CLPX: variants seen among roughly 807,000 people sequenced by gnomAD.
CLPX encodes caseinolytic mitochondrial matrix peptidase chaperone subunit X, also known as ATP-dependent clpX-like chaperone, mitochondrial.
A neutral mutation model predicts 76.4 loss-of-function variants in CLPX; 34 were observed. The observed-to-expected ratio is 0.45, with a 90% CI of 0.34 to 0.59. CLPX has a LOEUF of 0.59. Among genes scored for constraint, CLPX ranks in the 20% least tolerant of loss-of-function variants. The pLI is 0.01. For missense variants in CLPX, 613 were observed against 757.0 expected (o/e 0.81, Z 2.23); for synonymous variants, 248 against 270.9 (o/e 0.92, Z 0.83).
intron 6 of CLPX, among the ~76,000 whole-genome samples, chr15:65,160,894 T>A (rs2087848684): frequency 6.6e-6 from 1 of 152,162 alleles, no homozygotes; most frequent in Admixed American, 6.6e-5. Context: ...TAAGCACAGC[T>A]CTCTAAAATG....
At chr15:65,158,825 T>C (rs1192633523) in intron 6 of CLPX, 74 bp from the exon 7 acceptor site, 1 of 1,222,448 alleles carries the variant, frequency 8.2e-7, no homozygotes, top group Non-Finnish European at 1.1e-6. Flanking sequence ...TAAAAACTTT[T>C]ATCTAAAACT....
At chr15:65,156,778 A>G (rs2087794386) in intron 9 of CLPX, 66 bp downstream of exon 9, 2 of 966,950 alleles carry the variant, frequency 2.1e-6, no homozygotes, top group Non-Finnish European at 3.3e-6. Context: ...CCAAACGTAC[A>G]ATATTTGGGA....
At chr15:65,158,892 G>T (rs978062784) in intron 6 of CLPX, 141 bp from the exon 7 acceptor site, 2 of 632,382 alleles carry the variant, frequency 3.2e-6, no homozygotes, top group African/African-American at 3.7e-5. Context: ...CTACAAAGGA[G>T]AAAAATCTCA....
At position 65,178,856 on chromosome 15, in the gene CLPX, T is replaced by A. The variant is rs932765582; in HGVS notation, c.358+78A>T. 2.4e-5 allele frequency: 19 copies of A among 803,272 alleles called. No individual in the cohort carries two copies. In the African/African-American group the frequency reaches 2.6e-4, roughly 11 times the overall value. The allele number at this position is 803,272 out of a possible 1,614,324, so 49.8% of individuals were successfully genotyped here. On this transcript the variant is annotated intron_variant, in intron 3 of 13. Transcript: ENST00000300107. ...CTGGCCTATATTTATACATTTTACA[T>A]AATTTACATATTTTTATACACTTAG...
chr15:65,153,713 G>A, intron 11 of CLPX, 74 bp from the exon 12 acceptor site: 2 of 827,088 alleles, frequency 2.4e-6, no homozygotes, highest in East Asian at 6.2e-5. Context: ...CATTAAGTGA[G>A]GGCACAATTT....
intron 6 of CLPX, among the ~76,000 whole-genome samples, chr15:65,160,059 C>T (rs1400871630): frequency 6.6e-6 from 1 of 152,148 alleles, no homozygotes; most frequent in Non-Finnish European, 1.5e-5. Context: ...GTGATCCACC[C>T]GCCTCAGCCT....
At chr15:65,157,638 A>G (rs1566979807) in intron 8 of CLPX, 108 bp downstream of exon 8, 7 of 1,061,476 alleles carry the variant, frequency 6.6e-6, no homozygotes, top group Non-Finnish European at 6.7e-6. Flanking sequence ...CTTTTATATA[A>G]TTACAGAATT....
intron 3 of CLPX, among the ~76,000 whole-genome samples, chr15:65,172,448 G>A (rs1178369603): frequency 1.3e-5 from 2 of 151,990 alleles, no homozygotes; most frequent in South Asian, 2.1e-4. Flanking sequence ...TGGCCAAGAT[G>A]GTGAAACCCC....
intron 4 of CLPX, 151 bp downstream of exon 4, chr15:65,166,480 G>A (rs2087914415): frequency 5.2e-6 from 4 of 775,404 alleles, no homozygotes; most frequent in South Asian, 3.8e-5. Flanking sequence ...ATTCCAAAAG[G>A]CAATAACAAT....
At chr15:65,173,365 CAAAAAAA>C (rs35763100) in intron 3 of CLPX, among the ~76,000 whole-genome samples, 3 of 52,176 alleles carry the variant, frequency 5.7e-5, no homozygotes, top group Admixed American at 1.9e-4. Context: ...GACTCTGTCT[CAAAAAAA>C]AAAAAAAAAA....
chr15:65,165,636 C>T (rs1184919577), intron 4 of CLPX, among the ~76,000 whole-genome samples: 7 of 151,862 alleles, frequency 4.6e-5, no homozygotes, highest in South Asian at 2.1e-4. Context: ...CCGCCCGCCT[C>T]GGCCTCCCAA....
chr15:65,166,536 A>T, intron 4 of CLPX, 95 bp downstream of exon 4: 1 of 1,256,866 alleles, frequency 8.0e-7, no homozygotes, highest in African/African-American at 1.5e-5. Flanking sequence ...ACTTGTTTAT[A>T]TACTAGTATT....
chr15:65,153,462 T>C, intron 12 of CLPX, 85 bp downstream of exon 12: 2 of 854,042 alleles, frequency 2.3e-6, no homozygotes, highest in Non-Finnish European at 1.9e-6. Context: ...TATATACATA[T>C]TTTCCAAAAG....
At chr15:65,178,761 C>T (rs1394144949) in intron 3 of CLPX, among the ~76,000 whole-genome samples, 173 bp downstream of exon 3, 1 of 151,238 alleles carries the variant, frequency 6.6e-6, no homozygotes, top group Admixed American at 6.6e-5. Flanking sequence ...GTCTTGAACT[C>T]CTAGGCTCAA....
intron 3 of CLPX, among the ~76,000 whole-genome samples, chr15:65,176,681 C>T (rs1595946425): frequency 6.7e-6 from 1 of 149,216 alleles, no homozygotes; most frequent in African/African-American, 2.5e-5. Flanking sequence ...CTGCAGCCTC[C>T]GCTTCCTAGG....
At chr15:65,163,321 C>G (rs1566981477) in intron 5 of CLPX, among the ~76,000 whole-genome samples, 1 of 152,176 alleles carries the variant, frequency 6.6e-6, no homozygotes, top group Non-Finnish European at 1.5e-5. Context: ...GTAAGTTCAG[C>G]AAGTGAACAA....
intron 1 of CLPX, among the ~76,000 whole-genome samples, chr15:65,184,667 C>A (rs1394617237): frequency 6.6e-6 from 1 of 152,236 alleles, no homozygotes; most frequent in Non-Finnish European, 1.5e-5. Context: ...CCCAACGGGC[C>A]CGAGGGGGAT....
intron 3 of CLPX, among the ~76,000 whole-genome samples, chr15:65,177,230 G>C (rs1012657814): frequency 6.6e-6 from 1 of 152,006 alleles, no homozygotes; most frequent in African/African-American, 2.4e-5. Context: ...CACCACGCCC[G>C]GCTAATTTTT....
Position 65,185,110 on chromosome 15 carries a change from C to A in CLPX, c.44G>T (p.Arg15Leu). 6.3e-7 allele frequency: 1 copy of A among 1,583,764 alleles called. No homozygotes were observed. Among genetic ancestry groups the A allele is most frequent in the Non-Finnish European group, 8.6e-7 (1 of 1,165,964 alleles). Reference sequence around the variant, plus strand: ...GGAGGCGAGTGAGGAGGTGATGAGCCGGACGGCCGCCGCGCCGCAAGTACA... The same window carrying A: ...GGAGGCGAGTGAGGAGGTGATGAGCAGGACGGCCGCCGCGCCGCAAGTACA... ...GACTCGAAAV[R>L]LITSSLASAQ... The change falls in exon 1 of 14, where the codon CGG (arginine) becomes CTG (leucine). Residue 15 changes from arginine (R) to leucine (L), a missense_variant. By Grantham distance (102) the Arg-to-Leu change is moderately radical. Around this residue, in one of 2 missense-constraint regions of CLPX, gnomAD observed 163 missense variants for 118.4 expected, o/e 1.38. Transcript: ENST00000300107.
Sources: gnomAD v4.1 joint callset for allele counts (sites outside exome capture counted in the v4.1 genomes callset) on GRCh38, gnomAD v4.1.1 for gene constraint, gnomAD v4.1.1 regional missense constraint, MANE v1.5 for transcripts, NCBI Gene and HGNC (gene_info 2026-07-23, HGNC 2026-07-21) for gene names.